ENPP1: variants seen among roughly 807,000 people sequenced by gnomAD.
ENPP1 encodes ectonucleotide pyrophosphatase/phosphodiesterase family member 1.
Under a neutral mutation model 122.8 loss-of-function variants are expected in ENPP1, and 73 were observed. That is an observed-to-expected ratio of 0.59 (90% CI 0.49 to 0.72). ENPP1 has a LOEUF of 0.72. Ranked by LOEUF, ENPP1 falls within the 30% of genes least tolerant of loss-of-function variation. ENPP1 has a pLI of 0.00. For missense variants in ENPP1, 978 were observed against 1,128.1 expected, an observed-to-expected ratio of 0.87 and a Z score of 1.91; for synonymous variants, 367 against 391.6, an observed-to-expected ratio of 0.94 and a Z score of 0.74.
At chr6:131,861,559 C>A (rs537662110) in intron 8 of ENPP1, 36 bp from the exon 9 acceptor site, 5 of 1,265,982 alleles carry the variant, frequency 3.9e-6, no homozygotes, top group Non-Finnish European at 5.8e-6. Flanking sequence ...TGAATGTTTG[C>A]ATGATTTCTT....
At chr6:131,819,076 C>T (rs1272751729) in intron 1 of ENPP1, among the ~76,000 whole-genome samples, 1 of 152,004 alleles carries the variant, frequency 6.6e-6, no homozygotes, top group Non-Finnish European at 1.5e-5. Context: ...ATGAAGATAG[C>T]GAGGAATGTG....
At chr6:131,886,747 C>T in intron 24 of ENPP1, 23 bp downstream of exon 24, 1 of 1,604,664 alleles carries the variant, frequency 6.2e-7, no homozygotes, top group African/African-American at 1.3e-5. Flanking sequence ...TGTATATTTA[C>T]TTTGCATGTT....
intron 13 of ENPP1, 30 bp downstream of exon 13, chr6:131,869,519 A>G (rs746378112): frequency 4.4e-6 from 7 of 1,607,858 alleles, no homozygotes; most frequent in South Asian, 3.3e-5. Context: ...AACTTTGAAT[A>G]TGGTCATATT....
intron 24 of ENPP1, among the ~76,000 whole-genome samples, chr6:131,888,568 C>T (rs1016412422): frequency 1.3e-5 from 2 of 152,242 alleles, no homozygotes; most frequent in Non-Finnish European, 2.9e-5. Context: ...TTCTATATAT[C>T]GTTAAAATTC....
chr6:131,811,750 A>G (rs1012961926), intron 1 of ENPP1, among the ~76,000 whole-genome samples: 3 of 152,176 alleles, frequency 2.0e-5, no homozygotes, highest in African/African-American at 7.2e-5. Flanking sequence ...TCCCATGCTC[A>G]TGTCCCTCTG....
At chr6:131,830,529 C>G (rs1781598222) in intron 1 of ENPP1, among the ~76,000 whole-genome samples, 1 of 152,168 alleles carries the variant, frequency 6.6e-6, no homozygotes, top group Admixed American at 6.5e-5. Flanking sequence ...AAAGCACTGT[C>G]TGCACATTGT....
At chr6:131,810,399 C>T (rs936650676) in intron 1 of ENPP1, among the ~76,000 whole-genome samples, 6 of 151,922 alleles carry the variant, frequency 3.9e-5, no homozygotes, top group African/African-American at 9.7e-5. Context: ...AGTGCAAACT[C>T]GTATTCTTCT....
intron 1 of ENPP1, chr6:131,827,783 C>G: frequency 2.4e-6 from 2 of 850,970 alleles, no homozygotes; most frequent in Non-Finnish European, 4.0e-6. Context: ...GACTCCAAAG[C>G]CCGCTGCAGG....
chr6:131,821,764 T>G (rs1781487545), intron 1 of ENPP1, among the ~76,000 whole-genome samples: 1 of 152,166 alleles, frequency 6.6e-6, no homozygotes, highest in Non-Finnish European at 1.5e-5. Context: ...CATCGCACGA[T>G]CAATGGAACT....
At chr6:131,833,370 A>G (rs1781636613) in intron 1 of ENPP1, among the ~76,000 whole-genome samples, 1 of 151,954 alleles carries the variant, frequency 6.6e-6, no homozygotes, top group African/African-American at 2.4e-5. Context: ...TACTTTTGGT[A>G]TTTTTAAAAA....
rs377079813 is a variant in ENPP1, at chr6:131,859,594, G to A, written c.796-793G>A. ...AGAGTCGGGGTTTTGTAGCCTGCCC[G>A]GACCTAGGGGCGGATGGGGGGAATG... On this transcript the variant is annotated intron_variant, in intron 7 of 24. Coordinates refer to ENST00000647893, the MANE Select transcript of ENPP1 (RefSeq NM_006208.3). Among the ~76,000 whole-genome samples the A allele has an allele frequency of 2.7e-3, 155 of 57,606 alleles. 1 individual carries two copies. Among genetic ancestry groups the A allele is most frequent in the African/African-American group, 0.012 (148 of 12,706 alleles). The allele number at this position is 57,606 out of a possible 152,430, so 37.8% of individuals were successfully genotyped here. A position where few individuals can be genotyped will look rare whatever the true frequency, so the allele number is the denominator to read the frequency against.
At chr6:131,827,085 A>G (rs1781555307) in intron 1 of ENPP1, 1 of 652,954 alleles carries the variant, frequency 1.5e-6, no homozygotes, top group Admixed American at 1.9e-5. Flanking sequence ...CTCCAGGCTT[A>G]GCACCTCCAT....
At chr6:131,882,069 G>T (rs1037943655) in intron 20 of ENPP1, among the ~76,000 whole-genome samples, 1 of 151,268 alleles carries the variant, frequency 6.6e-6, no homozygotes, top group African/African-American at 2.4e-5. Context: ...ATTTAAAATT[G>T]TGTAGATAAA....
chr6:131,854,221 A>AT (rs1236044091), intron 5 of ENPP1, among the ~76,000 whole-genome samples: 24 of 152,078 alleles, frequency 1.6e-4, no homozygotes, highest in African/African-American at 4.6e-4. Context: ...CCTGGGCAAC[A>AT]TAGTGAGACC....
Position 131,892,472 on chromosome 6 carries a change from G to A in ENPP1, c.*1961G>A, listed in dbSNP as rs1023879185. On this transcript the variant is annotated 3_prime_UTR_variant, in exon 25 of 25. Coordinates refer to ENST00000647893, the MANE Select transcript of ENPP1 (RefSeq NM_006208.3). Reference sequence around the variant, plus strand: ...TTCTTCCCTGGCTGGAATGTGCAGCGGCACCTTTTGGTGCACCCTGGGAAT... The same window carrying A: ...TTCTTCCCTGGCTGGAATGTGCAGCAGCACCTTTTGGTGCACCCTGGGAAT... The A allele has an allele frequency of 2.6e-5, 4 of 152,102 alleles. No homozygotes were observed. The highest frequency in any genetic ancestry group is 2.1e-4 in the South Asian group (1 of 4,814). The allele number at this position is 152,102 out of a possible 1,614,324, so 9.4% of individuals were successfully genotyped here.
At position 131,890,491 on chromosome 6, in the gene ENPP1, A is replaced by G. The variant is rs1782454538; in HGVS notation, c.2758A>G (p.Thr920Ala). The G allele has an allele frequency of 6.2e-7, 1 of 1,613,886 alleles. No individual in the cohort carries two copies. Among genetic ancestry groups the G allele is most frequent in the Admixed American group, 1.7e-5 (1 of 59,994 alleles). ...TTTAAAGTTGAAAACACATTTGCCA[A>G]CCTTTAGCCAAGAAGACTGATATGT... ...DILKLKTHLP[T>A]FSQED Residue 920 changes from threonine to alanine, a missense_variant, in exon 25 of 25, where the codon ACC (threonine) becomes GCC (alanine). By Grantham distance (58) the Thr-to-Ala change is moderately conservative. Transcript: ENST00000647893.
intron 24 of ENPP1, among the ~76,000 whole-genome samples, chr6:131,889,981 G>C (rs1974201): frequency 0.31 from 46,696 of 149,942 alleles, 8,488 homozygotes; most frequent in East Asian, 0.58. Flanking sequence ...TTTAATAATA[G>C]GCATTCTGAG....
chr6:131,877,348 A>AT lies in ENPP1; in HGVS notation c.1893+191dup, dbSNP rs147815700. 2,848 of 653,098 alleles carry AT rather than the reference A, an allele frequency of 4.4e-3. 69 individuals carry two copies. In the African/African-American group the frequency reaches 0.047, roughly 11 times the overall value. 40.5% of individuals were successfully genotyped at this position (653,098 alleles called of 1,614,324 possible). ...TATCTTTTCTCTTTCTAGTTTTTGC[A>AT]TTTTCCACTCTATTTTTAATTCCTT... On this transcript the variant is annotated intron_variant, in intron 18 of 24. Coordinates refer to ENST00000647893, the MANE Select transcript of ENPP1 (RefSeq NM_006208.3).
Position 131,872,906 on chromosome 6 carries a change from G to T in ENPP1, c.1438-17G>T. On this transcript the variant is annotated splice_polypyrimidine_tract_variant and intron_variant, in intron 14 of 24. Coordinates refer to ENST00000647893, the MANE Select transcript of ENPP1 (RefSeq NM_006208.3). ...ATTAGGGAAATAATAGTTTTTCTTT[G>T]CTGTTTGCAATTTCAGTGCCGGGAA... 1 of 1,612,760 alleles carries T rather than the reference G, an allele frequency of 6.2e-7. No homozygotes were observed. Among genetic ancestry groups the T allele is most frequent in the Non-Finnish European group, 8.5e-7 (1 of 1,179,152 alleles).
Sources: gnomAD v4.1 joint callset for allele counts (sites outside exome capture counted in the v4.1 genomes callset) on GRCh38, gnomAD v4.1.1 for gene constraint, MANE v1.5 for transcripts, NCBI Gene and HGNC (gene_info 2026-07-23, HGNC 2026-07-21) for gene names.